The following INO80D variants were observed in gnomAD, a reference collection of about 807,000 sequenced individuals.
INO80D encodes the protein INO80 complex subunit D.
INO80D carries 21 observed loss-of-function variants against 87.6 expected under a neutral mutation model. The ratio of observed to expected loss-of-function variants is 0.24; its 90% CI spans 0.17 to 0.35. The LOEUF (loss-of-function observed/expected upper bound fraction) is 0.35, where lower values mean the gene tolerates loss of function less well. Ranked by LOEUF, INO80D falls within the 10% of genes least tolerant of loss-of-function variation. INO80D has a pLI of 1.00. For missense variants in INO80D, 982 were observed against 1,280.7 expected, an observed-to-expected ratio of 0.77 and a Z score of 3.56; for synonymous variants, 440 against 491.0, an observed-to-expected ratio of 0.90 and a Z score of 1.37.
chr2:206,020,299 G>T (rs905073439), intron 6 of INO80D, among the ~76,000 whole-genome samples: 1 of 152,148 alleles, frequency 6.6e-6, no homozygotes, highest in Non-Finnish European at 1.5e-5. Flanking sequence ...GGTACCTTGA[G>T]CTGGCAGGGT....
At chr2:206,045,091 T>C (rs1689160257) in intron 5 of INO80D, among the ~76,000 whole-genome samples, 1 of 152,174 alleles carries the variant, frequency 6.6e-6, no homozygotes, top group Non-Finnish European at 1.5e-5. Context: ...AAGAGTGGAA[T>C]AGATACATCA....
chr2:206,020,038 TTC>T (rs1688418864), intron 6 of INO80D, among the ~76,000 whole-genome samples, 193 bp from the exon 7 acceptor site: 1 of 152,144 alleles, frequency 6.6e-6, no homozygotes, highest in African/African-American at 2.4e-5. Context: ...TTCCCTAATC[TTC>T]TGACATTCAA....
chr2:206,060,564 C>CTTT (rs375906117), intron 3 of INO80D, among the ~76,000 whole-genome samples: 1 of 143,368 alleles, frequency 7.0e-6, no homozygotes, highest in Admixed American at 6.9e-5. Context: ...CAACTTAGTG[C>CTTT]TTTTTTTTTT....
chr2:206,017,838 A>T, intron 7 of INO80D, 25 bp from the exon 8 acceptor site: 1 of 1,578,242 alleles, frequency 6.3e-7, no homozygotes, highest in Non-Finnish European at 8.6e-7. Flanking sequence ...GTTAGGAGTA[A>T]AATACACTGA....
intron 1 of INO80D, among the ~76,000 whole-genome samples, chr2:206,066,765 AC>A (rs1416030438): frequency 6.6e-6 from 1 of 150,876 alleles, no homozygotes; most frequent in Admixed American, 6.7e-5. Context: ...AGATCGCACT[AC>A]TGCACTCCAG....
chr2:206,013,772 T>A (rs1418899408), intron 8 of INO80D, among the ~76,000 whole-genome samples: 1 of 146,302 alleles, frequency 6.8e-6, no homozygotes, highest in African/African-American at 2.5e-5. Context: ...TGTGAAATCA[T>A]CAATGAAGGT....
rs182678264 is a variant in INO80D, at chr2:206,081,270, T to C, written c.-124+4631A>G. ...CCCTTACGTTTTTCCTCTTTGTTTC[T>C]GCTGTATGCATACACATAAAGAGAA... On this transcript the variant is annotated intron_variant, in intron 1 of 10. Coordinates refer to ENST00000403263, the MANE Select transcript of INO80D (RefSeq NM_017759.5). Among the ~76,000 whole-genome samples, 117 of 152,336 alleles carry C rather than the reference T, an allele frequency of 7.7e-4. 1 individual carries two copies. The highest frequency in any genetic ancestry group is 1.2e-3 in the Non-Finnish European group (84 of 68,036).
At chr2:206,013,935 G>C (rs1171879214) in intron 8 of INO80D, among the ~76,000 whole-genome samples, 1 of 151,330 alleles carries the variant, frequency 6.6e-6, no homozygotes. Flanking sequence ...AAGCCGGGTG[G>C]ATCACCTGAG....
chr2:206,056,391 C>T lies in INO80D; in HGVS notation c.771G>A (p.Gln257=), dbSNP rs1191204392. Residue 257 remains glutamine, a synonymous_variant, in exon 4 of 11, where the codon CAG becomes CAA. Coordinates refer to ENST00000403263, the MANE Select transcript of INO80D (RefSeq NM_017759.5). The stretch of plus-strand genomic sequence containing the variant: ...GGGGCAGAGGCCTCTTGTGAGACAA[C>T]TGCCGTGCTTGTGCTATAGTGTGTG... ...PTTHTIAQAR[Q]LSHKRPLPLL... The T allele has an allele frequency of 6.2e-7, 1 of 1,613,854 alleles. No individual in the cohort carries two copies. The highest frequency in any genetic ancestry group is 8.5e-7 in the Non-Finnish European group (1 of 1,179,822).
rs770434961 is a variant in INO80D, at chr2:206,005,119, C to T, written c.2333G>A (p.Arg778Lys). 1.2e-6 allele frequency: 2 copies of T among 1,613,972 alleles called. No individual in the cohort carries two copies. The highest frequency in any genetic ancestry group is 1.7e-6 in the Non-Finnish European group (2 of 1,179,864). ...TCCATGAAACTGTCCTGGGAAGGCTCTCTCCCCAAGTGCACTCTGGCTGAT... is the reference window on the plus strand; with the variant it reads ...TCCATGAAACTGTCCTGGGAAGGCTTTCTCCCCAAGTGCACTCTGGCTGAT... Reference protein sequence around the residue: ...TLISQSALGERAFPGQFHGLH... With the variant: ...TLISQSALGEKAFPGQFHGLH... The change falls in exon 11 of 11, where the codon AGA (arginine) becomes AAA (lysine). Residue 778 changes from arginine (R) to lysine (K), a missense_variant. Physicochemically the swap from Arg to Lys is conservative, Grantham distance 26 (BLOSUM62 2). Transcript: ENST00000403263.
chr2:206,005,218 G>A lies in INO80D; in HGVS notation c.2234C>T (p.Pro745Leu), dbSNP rs1687993281. Residue 745 changes from proline to leucine, a missense_variant, in exon 11 of 11, where the codon CCT becomes CTT. Coordinates refer to ENST00000403263, the MANE Select transcript of INO80D (RefSeq NM_017759.5). ...CTGGATCTGCCCTGCCAGGGGTGTA[G>A]GTGGGTTTGACAAGGTAGCAGAACG... ...LLRSATLSNP[P>L]TPLAGQIQGQ... The A allele has an allele frequency of 6.2e-7, 1 of 1,614,018 alleles. No individual in the cohort carries two copies.
At chr2:206,025,528 C>CAAAAAAAAAA (rs71410856) in intron 6 of INO80D, 46 of 54,508 alleles carry the variant, frequency 8.4e-4, no homozygotes, top group Non-Finnish European at 1.3e-3. Flanking sequence ...AACTCCATCT[C>CAAAAAAAAAA]AAAAAAAAAA....
chr2:206,028,653 A>G (rs1688681031), intron 5 of INO80D, among the ~76,000 whole-genome samples: 2 of 152,140 alleles, frequency 1.3e-5, no homozygotes, highest in Admixed American at 1.3e-4. Flanking sequence ...TCATTTCTTT[A>G]CCTTTACTTA....
intron 5 of INO80D, among the ~76,000 whole-genome samples, chr2:206,043,630 G>A (rs1689112911): frequency 6.6e-6 from 1 of 152,114 alleles, no homozygotes; most frequent in Non-Finnish European, 1.5e-5. Context: ...TGGGACTACA[G>A]GCACCCGCCA....
At chr2:206,045,230 C>G (rs529863170) in intron 5 of INO80D, among the ~76,000 whole-genome samples, 68 of 152,212 alleles carry the variant, frequency 4.5e-4, no homozygotes, top group Non-Finnish European at 7.1e-4. Flanking sequence ...ACCATTTGTA[C>G]TATTTGATGA....
chr2:206,060,542 AAAC>A (rs1353568070), intron 3 of INO80D, among the ~76,000 whole-genome samples: 29 of 150,974 alleles, frequency 1.9e-4, no homozygotes, highest in African/African-American at 5.3e-4. Context: ...CAAAAAAAAA[AAAC>A]AACAACAACA....
At chr2:206,018,134 T>C (rs1255260020) in intron 7 of INO80D, among the ~76,000 whole-genome samples, 3 of 152,142 alleles carry the variant, frequency 2.0e-5, no homozygotes, top group Non-Finnish European at 4.4e-5. Context: ...TTCCACTTCA[T>C]GTTTTTTTTG....
At chr2:206,033,571 T>C (rs1688822347) in intron 5 of INO80D, among the ~76,000 whole-genome samples, 1 of 152,132 alleles carries the variant, frequency 6.6e-6, no homozygotes. Flanking sequence ...TGAAAACCTC[T>C]TGGATACAGC....
At chr2:206,082,643 T>C (rs1177828174) in intron 1 of INO80D, among the ~76,000 whole-genome samples, 2 of 152,224 alleles carry the variant, frequency 1.3e-5, no homozygotes, top group East Asian at 1.9e-4. Flanking sequence ...ACCATTGTTT[T>C]ACCAGTTACC....
Sources: allele counts gnomAD v4.1 joint callset (sites outside exome capture counted in the v4.1 genomes callset), GRCh38; gene constraint gnomAD v4.1.1; transcripts MANE v1.5; gene names NCBI Gene and HGNC (gene_info 2026-07-23, HGNC 2026-07-21).